The following ZNF385D variants were observed in gnomAD, a reference collection of about 807,000 sequenced individuals.
The protein encoded by ZNF385D is zinc finger protein 659.
In ZNF385D, 15 loss-of-function variants were observed where a neutral mutation model predicts 35.8. The ratio of observed to expected loss-of-function variants is 0.42; its 90% CI spans 0.28 to 0.64. The LOEUF is 0.64. ZNF385D is among the 30% of genes least tolerant of loss of function. The probability of loss-of-function intolerance (pLI) is 0.23; values close to 1 mark genes in which losing one functional copy is unlikely to be tolerated. For missense variants in ZNF385D, 474 were observed against 494.6 expected (o/e 0.96, Z 0.39); for synonymous variants, 212 against 186.8 (o/e 1.13, Z -1.10).
chr3:21,457,353 GT>G, intron 4 of ZNF385D, among the ~76,000 whole-genome samples: 1 of 151,712 alleles, frequency 6.6e-6, no homozygotes, highest in East Asian at 1.9e-4. Flanking sequence ...TGTCGTTGTT[GT>G]TGTTGTTGTT....
intron 2 of ZNF385D, among the ~76,000 whole-genome samples, chr3:22,190,856 G>C (rs1039870494): frequency 6.6e-6 from 1 of 151,742 alleles, no homozygotes; most frequent in Non-Finnish European, 1.5e-5. Context: ...AGTTTAACAT[G>C]ATAAATCACA....
chr3:22,181,472 G>A (rs1042238557), intron 2 of ZNF385D, among the ~76,000 whole-genome samples: 4 of 151,938 alleles, frequency 2.6e-5, no homozygotes, highest in African/African-American at 4.8e-5. Context: ...CGAGGCGGGC[G>A]GATCACGAGG....
At chr3:21,472,815 T>G (rs1030121802) in intron 4 of ZNF385D, among the ~76,000 whole-genome samples, 1 of 152,082 alleles carries the variant, frequency 6.6e-6, no homozygotes, top group Non-Finnish European at 1.5e-5. Flanking sequence ...TGTATGCAAC[T>G]TCTTTGTTTT....
At chr3:21,507,944 C>T (rs914343464) in intron 4 of ZNF385D, among the ~76,000 whole-genome samples, 1 of 152,104 alleles carries the variant, frequency 6.6e-6, no homozygotes, top group Non-Finnish European at 1.5e-5. Flanking sequence ...GAGAATTTGG[C>T]TCAAAATATC....
At chr3:22,135,611 GA>G (rs2125694078) in intron 3 of ZNF385D, among the ~76,000 whole-genome samples, 1 of 152,238 alleles carries the variant, frequency 6.6e-6, no homozygotes, top group South Asian at 2.1e-4. Flanking sequence ...AATCTTTGTA[GA>G]TTTAATAAGC....
Position 21,646,110 on chromosome 3 carries a change from T to C in ZNF385D, c.165+18776A>G, listed in dbSNP as rs1269814150. Among the ~76,000 whole-genome samples, 3 of 152,164 alleles carry C rather than the reference T, an allele frequency of 2.0e-5. No homozygotes were observed. The highest frequency in any genetic ancestry group is 2.9e-5 in the Non-Finnish European group (2 of 68,018). ...GCCAAAGTGTCAGATAAGTTTTTTT[T>C]AAAGAAAGAAAACCTCAGGGAAATT... is the stretch of plus-strand genomic sequence containing the variant. On this transcript the variant is annotated intron_variant, in intron 2 of 7. Coordinates refer to ENST00000281523, the MANE Select transcript of ZNF385D (RefSeq NM_024697.3). This position sits in a 1 kb window ranked among gnomAD's most constrained non-coding sequence, Gnocchi z 4.3.
chr3:22,305,636 A>C (rs945731646), intron 2 of ZNF385D, among the ~76,000 whole-genome samples: 6 of 152,172 alleles, frequency 3.9e-5, no homozygotes, highest in Admixed American at 6.5e-5. Context: ...ACTTGTGCCC[A>C]GAGATGATAG....
At chr3:22,333,257 T>C (rs1695019474) in intron 2 of ZNF385D, among the ~76,000 whole-genome samples, 1 of 152,188 alleles carries the variant, frequency 6.6e-6, no homozygotes, top group South Asian at 2.1e-4. Flanking sequence ...AGGAGTGTGT[T>C]TGTATTTCTT....
chr3:22,034,320 T>C (rs1453793456), intron 3 of ZNF385D, among the ~76,000 whole-genome samples: 1 of 152,186 alleles, frequency 6.6e-6, no homozygotes, highest in Non-Finnish European at 1.5e-5. Context: ...GCTGGCAGTT[T>C]GTAACCTGGA....
chr3:21,545,459 A>G (rs1488069461), intron 3 of ZNF385D, among the ~76,000 whole-genome samples: 1 of 152,202 alleles, frequency 6.6e-6, no homozygotes, highest in African/African-American at 2.4e-5. Context: ...AAGGAAACTT[A>G]TTTTGAACTA....
chr3:21,895,276 G>A (rs538332868), intron 3 of ZNF385D, among the ~76,000 whole-genome samples: 3 of 148,820 alleles, frequency 2.0e-5, no homozygotes, highest in Non-Finnish European at 3.0e-5. Context: ...ACAAGTAGCT[G>A]GAAGATGCCT....
chr3:21,697,043 CT>C (rs1418574406), intron 1 of ZNF385D, among the ~76,000 whole-genome samples: 2 of 152,134 alleles, frequency 1.3e-5, no homozygotes, highest in Non-Finnish European at 2.9e-5. Flanking sequence ...AGCAGAAGAG[CT>C]TAGGTTAAGT....
chr3:22,337,054 T>C (rs919742058), intron 2 of ZNF385D, among the ~76,000 whole-genome samples: 8 of 151,820 alleles, frequency 5.3e-5, no homozygotes, highest in African/African-American at 1.9e-4. Flanking sequence ...TTACCTGCTG[T>C]CAAAGAGTAG....
intron 3 of ZNF385D, among the ~76,000 whole-genome samples, chr3:22,091,595 A>C (rs1701334596): frequency 6.6e-6 from 1 of 151,686 alleles, no homozygotes; most frequent in South Asian, 2.1e-4. Flanking sequence ...AGTAGGAAAA[A>C]AAAAGCCCTC....
rs557971909 is a variant in ZNF385D at position 21,568,004 on chromosome 3, C to T, written c.166-3320G>A. On this transcript the variant is annotated intron_variant, in intron 2 of 7. Coordinates refer to ENST00000281523, the MANE Select transcript of ZNF385D (RefSeq NM_024697.3). ...TCACTGTGGCTATAAAATCAGATTT[C>T]AAAATGCAAAGTGGTATATTCTGCA... Among the ~76,000 whole-genome samples the T allele has an allele frequency of 2.0e-5, 3 of 151,986 alleles. No individual in the cohort carries two copies. In the East Asian group the frequency reaches 5.8e-4, roughly 29 times the overall value.
chr3:22,098,313 T>C lies in ZNF385D; in HGVS notation c.325+70504A>G, dbSNP rs550611432. On this transcript the variant is annotated intron_variant, in intron 3 of 5. Coordinates refer to the ZNF385D transcript ENST00000494108. The stretch of plus-strand genomic sequence containing the variant: ...TTGCTCTGGGAAGAATCAGACCAAG[T>C]CAAATACTTTAAGAAAATTCAAGAA... 9.2e-5 allele frequency among the ~76,000 whole-genome samples: 14 copies of C among 152,152 alleles called. No homozygotes were observed. In the East Asian group the frequency reaches 2.7e-3, roughly 29 times the overall value.
intron 1 of ZNF385D, among the ~76,000 whole-genome samples, chr3:21,667,888 C>G (rs897574570): frequency 6.6e-6 from 1 of 152,104 alleles, no homozygotes; most frequent in South Asian, 2.1e-4. Flanking sequence ...AAGGTCCTCT[C>G]TCAGTGTTGC....
At chr3:22,058,996 C>A (rs549285478) in intron 3 of ZNF385D, among the ~76,000 whole-genome samples, 1 of 152,070 alleles carries the variant, frequency 6.6e-6, no homozygotes, top group African/African-American at 2.4e-5. Context: ...TTTCAATCAC[C>A]CCTAAACCTC....
At chr3:22,079,995 T>C (rs763256220) in intron 3 of ZNF385D, among the ~76,000 whole-genome samples, 3 of 152,066 alleles carry the variant, frequency 2.0e-5, no homozygotes, top group Non-Finnish European at 4.4e-5. Flanking sequence ...TTTAAATATA[T>C]GTTCAGAGAA....
Sources: gnomAD v4.1 joint callset for allele counts (sites outside exome capture counted in the v4.1 genomes callset) on GRCh38, gnomAD v4.1.1 for gene constraint, Gnocchi (gnomAD v3.1) non-coding constraint, MANE v1.5 for transcripts, NCBI Gene and HGNC (gene_info 2026-07-23, HGNC 2026-07-21) for gene names.